PRIM2: variants seen among roughly 807,000 people sequenced by gnomAD.
PRIM2 encodes the protein DNA primase large subunit.
PRIM2 carries 39 observed loss-of-function variants against 67.3 expected under a neutral mutation model. That is an observed-to-expected ratio of 0.58 (90% CI 0.45 to 0.76). The LOEUF (loss-of-function observed/expected upper bound fraction) is 0.76. PRIM2 is among the 30% of genes least tolerant of loss of function. The pLI is 0.00. For synonymous variants in PRIM2, 143 were observed against 198.7 expected (o/e 0.72, Z 2.36); for missense variants, 398 against 598.7 (o/e 0.66, Z 3.50).
At chr6:57,460,444 TTC>T (rs1772966389) in intron 7 of PRIM2, among the ~76,000 whole-genome samples, 2 of 152,136 alleles carry the variant, frequency 1.3e-5, no homozygotes, top group Non-Finnish European at 1.5e-5. Context: ...AAGGCAGTAC[TTC>T]CGAAAACCAT....
At chr6:57,337,388 C>T in intron 5 of PRIM2, among the ~76,000 whole-genome samples, 1 of 151,784 alleles carries the variant, frequency 6.6e-6, no homozygotes, top group East Asian at 1.9e-4. Flanking sequence ...ACTCTCCACC[C>T]CAAATCAACA....
chr6:57,629,570 T>TG (rs1777008573), intron 12 of PRIM2, among the ~76,000 whole-genome samples: 1 of 152,114 alleles, frequency 6.6e-6, no homozygotes, highest in South Asian at 2.1e-4. Context: ...AGCCATTAAG[T>TG]GGGAAATGCT....
chr6:57,281,821 G>A, the PRIM2 span, among the ~76,000 whole-genome samples: 10 of 152,004 alleles, frequency 6.6e-5, no homozygotes, highest in Non-Finnish European at 1.2e-4. Flanking sequence ...TGATCTGCAG[G>A]CATTTCTCCT....
the PRIM2 span, among the ~76,000 whole-genome samples, chr6:57,279,242 A>G: frequency 6.6e-6 from 1 of 152,212 alleles, no homozygotes; most frequent in Non-Finnish European, 1.5e-5. Context: ...CACACATTAG[A>G]GCTGGAAAAT....
chr6:57,364,073 GTT>G (rs72377931), intron 5 of PRIM2, among the ~76,000 whole-genome samples: 2 of 133,206 alleles, frequency 1.5e-5, no homozygotes, highest in Admixed American at 7.4e-5. Context: ...TAATTTATTT[GTT>G]TTTTTTTTTT....
At chr6:57,417,712 A>C (rs1267454870) in intron 7 of PRIM2, among the ~76,000 whole-genome samples, 1 of 152,222 alleles carries the variant, frequency 6.6e-6, no homozygotes, top group Non-Finnish European at 1.5e-5. Flanking sequence ...AGATAAAATA[A>C]TAATGAAAAA....
intron 5 of PRIM2, among the ~76,000 whole-genome samples, chr6:57,350,446 T>A (rs1768824114): frequency 6.6e-6 from 1 of 152,202 alleles, no homozygotes; most frequent in South Asian, 2.1e-4. Context: ...CATAAATCAC[T>A]GAGAGAACTT....
chr6:57,637,393 G>A (rs1471864497), intron 13 of PRIM2, among the ~76,000 whole-genome samples: 3 of 152,078 alleles, frequency 2.0e-5, no homozygotes, highest in Non-Finnish European at 4.4e-5. Flanking sequence ...GAATAAAACC[G>A]GATGGAGAAT....
At chr6:57,457,277 C>A (rs989972165) in intron 7 of PRIM2, among the ~76,000 whole-genome samples, 2 of 152,192 alleles carry the variant, frequency 1.3e-5, no homozygotes, top group Admixed American at 1.3e-4. Context: ...CTCAGATCTC[C>A]AGCTGCGTGC....
At chr6:57,304,547 T>A in the PRIM2 span, among the ~76,000 whole-genome samples, 1 of 152,180 alleles carries the variant, frequency 6.6e-6, no homozygotes. Context: ...TTCATAACTG[T>A]ACTCTGGGGA....
intron 8 of PRIM2, among the ~76,000 whole-genome samples, chr6:57,509,937 T>C (rs1289157173): frequency 6.6e-6 from 1 of 151,504 alleles, no homozygotes; most frequent in African/African-American, 2.4e-5. Context: ...AATCTATTTA[T>C]ATTCTCCTCA....
chr6:57,423,452 C>T (rs1771525470), intron 7 of PRIM2, among the ~76,000 whole-genome samples: 1 of 152,142 alleles, frequency 6.6e-6, no homozygotes, highest in Non-Finnish European at 1.5e-5. Flanking sequence ...ACAAACTTTA[C>T]ATTAGACCCT....
At chr6:57,301,339 T>G in the PRIM2 span, among the ~76,000 whole-genome samples, 1 of 151,150 alleles carries the variant, frequency 6.6e-6, no homozygotes, top group African/African-American at 2.4e-5. Flanking sequence ...AATACAAAAT[T>G]AGCTGGGCGT....
intron 12 of PRIM2, among the ~76,000 whole-genome samples, chr6:57,626,651 G>C (rs1343605773): frequency 6.7e-6 from 1 of 149,874 alleles, no homozygotes; most frequent in African/African-American, 2.5e-5. Context: ...TAAAGACAGG[G>C]TCTCATTCTG....
At chr6:57,613,735 T>C (rs1380689473) in intron 12 of PRIM2, among the ~76,000 whole-genome samples, 2 of 152,218 alleles carry the variant, frequency 1.3e-5, no homozygotes, top group East Asian at 3.8e-4. Flanking sequence ...GAAGGCCAGG[T>C]ACTACCTGCA....
At chr6:57,323,782 AG>A (rs1767741210) in intron 3 of PRIM2, among the ~76,000 whole-genome samples, 1 of 151,930 alleles carries the variant, frequency 6.6e-6, no homozygotes, top group South Asian at 2.1e-4. Flanking sequence ...TAAAGTAAAA[AG>A]GAAAAAAAAA....
intron 7 of PRIM2, among the ~76,000 whole-genome samples, chr6:57,421,631 A>G (rs189833858): frequency 1.8e-3 from 267 of 152,190 alleles, no homozygotes; most frequent in African/African-American, 4.0e-3. Context: ...CTTGCTTTAC[A>G]TTTTTGCCAG....
intron 7 of PRIM2, among the ~76,000 whole-genome samples, chr6:57,492,050 T>C (rs1773905211): frequency 1.3e-5 from 2 of 152,168 alleles, no homozygotes; most frequent in Admixed American, 6.5e-5. Flanking sequence ...TAAGTTCCCT[T>C]ACCTGCACAA....
At chr6:57,311,236 C>CTGGA (rs1320016875), upstream of PRIM2, among the ~76,000 whole-genome samples, 15 of 146,834 alleles carry the variant, frequency 1.0e-4, 1 homozygote, top group Admixed American at 2.0e-4. Context: ...TCCTCACCTC[C>CTGGA]CGGACGGGGC....
Sources: gnomAD v4.1 joint callset for allele counts (sites outside exome capture counted in the v4.1 genomes callset) on GRCh38, gnomAD v4.1.1 for gene constraint, MANE v1.5 for transcripts, NCBI Gene and HGNC (gene_info 2026-07-23, HGNC 2026-07-21) for gene names.